The following ARL6 variants were observed in gnomAD, a reference collection of about 807,000 sequenced individuals.
The protein encoded by ARL6 is ARF like GTPase 6.
In ARL6, 18 loss-of-function variants were observed where a neutral mutation model predicts 27.1. That is an observed-to-expected ratio of 0.66 (90% CI 0.46 to 0.98). The LOEUF (loss-of-function observed/expected upper bound fraction) is 0.98, where lower values mean the gene tolerates loss of function less well. ARL6 is among the 50% of genes least tolerant of loss of function. The probability of loss-of-function intolerance (pLI) is 0.00; values close to 1 mark genes in which losing one functional copy is unlikely to be tolerated. For missense variants in ARL6, 187 were observed against 214.9 expected (o/e 0.87, Z 0.81); for synonymous variants, 65 against 72.3 (o/e 0.90, Z 0.51).
At chr3:97,780,751 G>T (rs2037153472) in intron 4 of ARL6, 68 bp downstream of exon 4, 16 of 1,231,446 alleles carry the variant, frequency 1.3e-5, no homozygotes, top group Non-Finnish European at 1.8e-5. Flanking sequence ...GAAATCCAAA[G>T]AATTATATGG....
At chr3:97,794,544 A>G (rs1576478593) in intron 7 of ARL6, among the ~76,000 whole-genome samples, 2 of 152,098 alleles carry the variant, frequency 1.3e-5, no homozygotes, top group East Asian at 3.9e-4. Context: ...GTAATAACAA[A>G]TAGTTTATAT....
chr3:97,774,304 T>C (rs913386926), intron 2 of ARL6, among the ~76,000 whole-genome samples: 2 of 152,140 alleles, frequency 1.3e-5, no homozygotes, highest in African/African-American at 4.8e-5. Context: ...ATTTTAGTTA[T>C]AGTTTAGTTA....
At chr3:97,771,191 T>G (rs954621807) in intron 2 of ARL6, among the ~76,000 whole-genome samples, 11 of 152,086 alleles carry the variant, frequency 7.2e-5, no homozygotes, top group African/African-American at 2.7e-4. Flanking sequence ...CCTCTTCAAT[T>G]TCTTTTATCA....
intron 2 of ARL6, among the ~76,000 whole-genome samples, chr3:97,770,178 C>T (rs1559670294): frequency 3.3e-5 from 5 of 152,086 alleles, no homozygotes; most frequent in African/African-American, 4.8e-5. Context: ...CCCTTTTCTA[C>T]ATCTTCACCA....
chr3:97,776,070 C>T (rs1308736552), intron 2 of ARL6, among the ~76,000 whole-genome samples: 1 of 152,196 alleles, frequency 6.6e-6, no homozygotes, highest in East Asian at 1.9e-4. Flanking sequence ...TGCAGTCTTT[C>T]TCACCCTTTA....
chr3:97,777,254 C>A (rs947978186), intron 2 of ARL6, among the ~76,000 whole-genome samples: 2 of 152,110 alleles, frequency 1.3e-5, no homozygotes, highest in African/African-American at 4.8e-5. Flanking sequence ...AAATCTTATT[C>A]TGTTCCTGTT....
chr3:97,771,183 T>C (rs916720972), intron 2 of ARL6, among the ~76,000 whole-genome samples: 8 of 152,094 alleles, frequency 5.3e-5, no homozygotes, highest in African/African-American at 1.9e-4. Context: ...TTTTGTGTCC[T>C]CTTCAATTTC....
intron 2 of ARL6, among the ~76,000 whole-genome samples, chr3:97,778,887 A>G (rs2037038791): frequency 6.6e-6 from 1 of 152,200 alleles, no homozygotes; most frequent in Non-Finnish European, 1.5e-5. Context: ...AGTTAGTGAG[A>G]TAGAACCAAA....
chr3:97,767,953 C>A, intron 1 of ARL6, 128 bp from the exon 2 acceptor site: 2 of 830,950 alleles, frequency 2.4e-6, no homozygotes, highest in Non-Finnish European at 1.9e-6. Flanking sequence ...AAGTGCAAAG[C>A]TACATTGACA....
rs1313276415 is a variant in ARL6, at chr3:97,798,622, C to G, written c.*573C>G. On this transcript the variant is annotated 3_prime_UTR_variant, in exon 8 of 8. Transcript: ENST00000463745. ...ATACTGTCAAGCATTTGTAAACCAT[C>G]TGAGACTAAGTTAAGCTGAATTTAT... The G allele has an allele frequency of 2.6e-5, 4 of 152,542 alleles. No homozygotes were observed. Among genetic ancestry groups the G allele is most frequent in the African/African-American group, 7.2e-5 (3 of 41,428 alleles). 9.4% of individuals were successfully genotyped at this position (152,542 alleles called of 1,614,324 possible). A position where few individuals can be genotyped will look rare whatever the true frequency, so the allele number is the denominator to read the frequency against.
chr3:97,791,650 T>C, intron 6 of ARL6, 121 bp from the exon 7 acceptor site: 2 of 784,014 alleles, frequency 2.6e-6, no homozygotes, highest in Non-Finnish European at 4.2e-6. Flanking sequence ...GCTTAACCAG[T>C]TTTGCTCAGA....
intron 6 of ARL6, among the ~76,000 whole-genome samples, chr3:97,789,228 G>A (rs2037607151): frequency 1.3e-5 from 2 of 152,122 alleles, no homozygotes; most frequent in South Asian, 4.2e-4. Flanking sequence ...AAAAGTTAGT[G>A]TCTAATAAAT....
At position 97,780,215 on chromosome 3, in the gene ARL6, A is replaced by G; in HGVS notation, c.180A>G (p.Ser60=). 1 of 1,610,830 alleles carries G rather than the reference A, an allele frequency of 6.2e-7. No homozygotes were observed. Among genetic ancestry groups the G allele is most frequent in the Non-Finnish European group, 8.5e-7 (1 of 1,177,570 alleles). ...TIGFSIEKFK[S]SSLSFTVFDM... ...GATTCAGCATAGAGAAATTCAAATC[A>G]TCCAGGTAATCCACTTTATCCCTTA... Residue 60 remains serine, a synonymous_variant, in exon 3 of 8, where the codon TCA becomes TCG. Coordinates refer to ENST00000463745, the MANE Select transcript of ARL6 (RefSeq NM_001278293.3).
chr3:97,786,002 GA>G (rs2037439078), intron 5 of ARL6, among the ~76,000 whole-genome samples: 1 of 151,462 alleles, frequency 6.6e-6, no homozygotes, highest in Admixed American at 6.6e-5. Flanking sequence ...TGAAATTTTT[GA>G]AAAAAAATTA....
chr3:97,765,733 C>T (rs2036347699), intron 1 of ARL6, among the ~76,000 whole-genome samples: 1 of 152,174 alleles, frequency 6.6e-6, no homozygotes, highest in Non-Finnish European at 1.5e-5. Flanking sequence ...AATTCGGATT[C>T]AGCAATTGAT....
intron 6 of ARL6, among the ~76,000 whole-genome samples, chr3:97,790,664 C>T (rs2037689239): frequency 6.6e-6 from 1 of 152,030 alleles, no homozygotes; most frequent in African/African-American, 2.4e-5. Context: ...ATCTCTTACT[C>T]TTACCATGGA....
At chr3:97,791,402 A>T (rs2037729619) in intron 6 of ARL6, 2 of 186,824 alleles carry the variant, frequency 1.1e-5, no homozygotes, top group African/African-American at 4.7e-5. Flanking sequence ...GCTGTATTAT[A>T]ACTCAAGTCA....
intron 2 of ARL6, among the ~76,000 whole-genome samples, chr3:97,776,300 T>C (rs911251743): frequency 6.6e-6 from 1 of 152,200 alleles, no homozygotes; most frequent in Non-Finnish European, 1.5e-5. Flanking sequence ...TCTTTATCCG[T>C]TTTGTTTTCA....
intron 7 of ARL6, 92 bp from the exon 8 acceptor site, chr3:97,797,932 C>T: frequency 8.3e-7 from 1 of 1,210,950 alleles, no homozygotes; most frequent in South Asian, 1.3e-5. Flanking sequence ...ACATAAGTTT[C>T]CAACATGTTG....
Sources: allele counts gnomAD v4.1 joint callset (sites outside exome capture counted in the v4.1 genomes callset), GRCh38; gene constraint gnomAD v4.1.1; transcripts MANE v1.5; gene names NCBI Gene and HGNC (gene_info 2026-07-23, HGNC 2026-07-21).